The following CADM2 variants were observed in gnomAD, a reference collection of about 807,000 sequenced individuals.
The protein encoded by CADM2 is cell adhesion molecule 2, also known as immunoglobulin superfamily member 4D.
In CADM2, 12 loss-of-function variants were observed where a neutral mutation model predicts 49.8. The observed-to-expected ratio is 0.24, with a 90% CI of 0.15 to 0.39. The LOEUF is 0.39. Ranked by LOEUF, CADM2 falls within the 10% of genes least tolerant of loss-of-function variation. CADM2 has a pLI of 1.00. For missense variants in CADM2, 378 were observed against 492.3 expected (o/e 0.77, Z 2.20); for synonymous variants, 214 against 175.4 (o/e 1.22, Z -1.74).
chr3:85,076,294 A>T (rs1398009251), intron 1 of CADM2, among the ~76,000 whole-genome samples: 1 of 109,860 alleles, frequency 9.1e-6, no homozygotes, highest in African/African-American at 3.2e-5. Context: ...CCAAACTATA[A>T]AAAAGAAATT....
At chr3:85,506,259 T>A (rs2040347985) in intron 1 of CADM2, among the ~76,000 whole-genome samples, 4 of 152,218 alleles carry the variant, frequency 2.6e-5, no homozygotes, top group Admixed American at 2.6e-4. Context: ...TTTGTTTTGT[T>A]CTGCTTAATT....
chr3:85,450,134 G>GA (rs1410073964), intron 1 of CADM2, among the ~76,000 whole-genome samples: 1 of 152,056 alleles, frequency 6.6e-6, no homozygotes. Context: ...AATCAGTGAA[G>GA]AAAAAACTAT....
At chr3:85,425,692 T>C (rs528251468) in intron 1 of CADM2, among the ~76,000 whole-genome samples, 4 of 152,310 alleles carry the variant, frequency 2.6e-5, no homozygotes, top group East Asian at 1.9e-4. Context: ...AAGTGTTGGG[T>C]TGATCAGATC....
chr3:85,467,849 G>A (rs562696486), intron 1 of CADM2, among the ~76,000 whole-genome samples: 5 of 152,134 alleles, frequency 3.3e-5, no homozygotes, highest in Non-Finnish European at 7.4e-5. Context: ...CCTGAAATAA[G>A]ACAGTTTCAT....
chr3:85,568,881 T>C (rs1304916891), intron 1 of CADM2, among the ~76,000 whole-genome samples: 1 of 152,078 alleles, frequency 6.6e-6, no homozygotes, highest in Non-Finnish European at 1.5e-5. Flanking sequence ...ACGGACAATA[T>C]TCTGAACGTT....
intron 1 of CADM2, among the ~76,000 whole-genome samples, chr3:85,642,944 G>A (rs2064765917): frequency 6.6e-6 from 1 of 152,094 alleles, no homozygotes; most frequent in African/African-American, 2.4e-5. Flanking sequence ...TCATCACAAT[G>A]TCTTCTCTTG....
chr3:85,671,526 T>G (rs1461381024), intron 1 of CADM2, among the ~76,000 whole-genome samples: 1 of 152,214 alleles, frequency 6.6e-6, no homozygotes, highest in Non-Finnish European at 1.5e-5. Flanking sequence ...AAGTGAGAAG[T>G]GAAAACTAGA....
At chr3:85,793,374 G>A (rs2108040394) in intron 2 of CADM2, among the ~76,000 whole-genome samples, 1 of 152,286 alleles carries the variant, frequency 6.6e-6, no homozygotes, top group South Asian at 2.1e-4. Context: ...TGTTCACAGA[G>A]TAGAGGAAAA....
intron 1 of CADM2, among the ~76,000 whole-genome samples, chr3:85,536,595 CA>C (rs2061428096): frequency 6.6e-6 from 1 of 151,956 alleles, no homozygotes; most frequent in Admixed American, 6.6e-5. Flanking sequence ...TTCTGACTTG[CA>C]TTTTCTTTTC....
At chr3:85,911,267 CTCT>C in intron 5 of CADM2, among the ~76,000 whole-genome samples, 1 of 152,044 alleles carries the variant, frequency 6.6e-6, no homozygotes, top group East Asian at 1.9e-4. Context: ...TAAAATTGCC[CTCT>C]TCTTATCAGC....
chr3:85,860,332 T>C (rs2075479011), intron 3 of CADM2, among the ~76,000 whole-genome samples: 1 of 152,056 alleles, frequency 6.6e-6, no homozygotes, highest in African/African-American at 2.4e-5. Context: ...GAAGGGAACA[T>C]ATAATAAGAT....
At chr3:85,857,193 A>G (rs1038549098) in intron 3 of CADM2, among the ~76,000 whole-genome samples, 1 of 152,090 alleles carries the variant, frequency 6.6e-6, no homozygotes, top group Non-Finnish European at 1.5e-5. Context: ...CACTCTAATC[A>G]CCTAAAGGCC....
intron 1 of CADM2, among the ~76,000 whole-genome samples, chr3:85,219,534 CT>C (rs2042001399): frequency 6.6e-6 from 1 of 152,144 alleles, no homozygotes; most frequent in African/African-American, 2.4e-5. Context: ...CTGGTATCTT[CT>C]TTCAACATGT....
chr3:85,395,422 C>A lies in CADM2; in HGVS notation c.62-331100C>A, dbSNP rs1179105414. Among the ~76,000 whole-genome samples the A allele has an allele frequency of 3.3e-5, 5 of 151,282 alleles. No individual in the cohort carries two copies. The East Asian group carries it at 7.8e-4, about 23-fold the overall frequency. Reference sequence around the variant, plus strand: ...TAATGTAACATTATTACTTTAAAATCAATTGAATTTAATACAGACTTAGAC... The same window carrying A: ...TAATGTAACATTATTACTTTAAAATAAATTGAATTTAATACAGACTTAGAC... On this transcript the variant is annotated intron_variant, in intron 1 of 9. Transcript: ENST00000383699.
intron 1 of CADM2, among the ~76,000 whole-genome samples, chr3:85,174,372 A>T (rs996540620): frequency 1.3e-5 from 2 of 151,806 alleles, no homozygotes; most frequent in Non-Finnish European, 2.9e-5. Context: ...TTAGCGAAAA[A>T]CCCCCAGAAA....
chr3:85,943,088 A>T (rs964740902), intron 7 of CADM2, among the ~76,000 whole-genome samples: 14 of 152,104 alleles, frequency 9.2e-5, no homozygotes, highest in African/African-American at 3.4e-4. Context: ...ATGGCCAGTG[A>T]AGATGAACAT....
At chr3:85,074,046 C>T (rs1246088445) in intron 1 of CADM2, among the ~76,000 whole-genome samples, 1 of 151,996 alleles carries the variant, frequency 6.6e-6, no homozygotes, top group East Asian at 1.9e-4. Flanking sequence ...TTGCATTAGC[C>T]ACATTTTGAA....
At chr3:85,727,656 G>T (rs927435717) in intron 2 of CADM2, among the ~76,000 whole-genome samples, 2 of 152,100 alleles carry the variant, frequency 1.3e-5, no homozygotes, top group Non-Finnish European at 2.9e-5. Context: ...GAAAGGATGA[G>T]AAGTGTAGTT....
chr3:85,979,963 T>C (rs923372895), intron 8 of CADM2, among the ~76,000 whole-genome samples: 5 of 151,456 alleles, frequency 3.3e-5, no homozygotes, highest in African/African-American at 1.2e-4. Context: ...GGAATATCCA[T>C]AAAGGCAGAA....
Sources: gnomAD v4.1 joint callset for allele counts (sites outside exome capture counted in the v4.1 genomes callset) on GRCh38, gnomAD v4.1.1 for gene constraint, MANE v1.5 for transcripts, NCBI Gene and HGNC (gene_info 2026-07-23, HGNC 2026-07-21) for gene names.